ATP6V1G1: variants seen among roughly 807,000 people sequenced by gnomAD.
ATP6V1G1 encodes the protein V-type proton ATPase subunit G 1.
ATP6V1G1 carries 14 observed loss-of-function variants against 14.2 expected under a neutral mutation model. That is an observed-to-expected ratio of 0.99 (90% CI 0.65 to 1.55). ATP6V1G1 has a LOEUF of 1.55. ATP6V1G1 is among the 40% of genes most tolerant of loss of function. The pLI, the probability that ATP6V1G1 is intolerant of heterozygous loss-of-function variation, is 0.00. For missense variants in ATP6V1G1, 137 were observed against 146.4 expected (o/e 0.94, Z 0.33); for synonymous variants, 65 against 53.3 (o/e 1.22, Z -0.96).
chr9:114,588,094 C>T (rs372632764), intron 1 of ATP6V1G1, 174 bp downstream of exon 1: 16 of 683,606 alleles, frequency 2.3e-5, no homozygotes, highest in African/African-American at 2.0e-4. Context: ...GCTTGCGGAT[C>T]GCCTGGAAGC....
At chr9:114,591,352 T>G (rs1845180233) in intron 1 of ATP6V1G1, among the ~76,000 whole-genome samples, 2 of 152,242 alleles carry the variant, frequency 1.3e-5, no homozygotes, top group African/African-American at 4.8e-5. Context: ...TGTGAAATCA[T>G]GCGGAGCTAC....
intron 2 of ATP6V1G1, among the ~76,000 whole-genome samples, chr9:114,596,812 A>T (rs1845242987): frequency 6.6e-6 from 1 of 151,948 alleles, no homozygotes. Context: ...CCCACATTTA[A>T]AACCACAGGT....
rs111289079 is a variant in ATP6V1G1, at chr9:114,591,806, C to T, written c.83-746C>T. On this transcript the variant is annotated intron_variant, in intron 1 of 2. Coordinates refer to ENST00000374050, the MANE Select transcript of ATP6V1G1 (RefSeq NM_004888.4). ...AATAGGTTGATGGTCTAGAACCTCT[C>T]TTTTTTTTTTTTTATTGGTGAGCGG... 9.3e-3 allele frequency among the ~76,000 whole-genome samples: 1,335 copies of T among 143,750 alleles called. 20 individuals are homozygous for T. The highest frequency in any genetic ancestry group is 0.031 in the African/African-American group (1,230 of 39,424). The allele number at this position is 143,750 out of a possible 152,430, so 94.3% of individuals were successfully genotyped here. A position where few individuals can be genotyped will look rare whatever the true frequency, so the allele number is the denominator to read the frequency against.
chr9:114,594,571 A>G (rs1490873554), intron 2 of ATP6V1G1, among the ~76,000 whole-genome samples: 2 of 150,540 alleles, frequency 1.3e-5, no homozygotes, highest in African/African-American at 2.5e-5. Flanking sequence ...TTTAGAAGAG[A>G]CGGGGGTTTC....
Position 114,587,818 on chromosome 9 carries a change from G to T in ATP6V1G1, c.-21G>T, listed in dbSNP as rs772962369. Reference sequence around the variant, plus strand: ...CGAGGTGCCTTAGGCCGCTTGCCTTGCTCTCAGAATCGCTGCCGCCATGGC... The same window carrying T: ...CGAGGTGCCTTAGGCCGCTTGCCTTTCTCTCAGAATCGCTGCCGCCATGGC... On this transcript the variant is annotated 5_prime_UTR_variant, in exon 1 of 3. Transcript: ENST00000374050. 1.9e-6 allele frequency: 3 copies of T among 1,573,988 alleles called. No individual in the cohort carries two copies. The highest frequency in any genetic ancestry group is 1.7e-6 in the Non-Finnish European group (2 of 1,159,518).
rs1393441149 is a variant in ATP6V1G1 at position 114,597,084 on chromosome 9, G to A, written c.184-486G>A. ...TGGCTCACTGCAAGCTCCGCCTCCC[G>A]GGTTCACGCCATTCTCCTGCCTCAG... is the stretch of plus-strand genomic sequence containing the variant. On this transcript the variant is annotated intron_variant, in intron 2 of 2. Coordinates refer to ENST00000374050, the MANE Select transcript of ATP6V1G1 (RefSeq NM_004888.4). 9.0e-5 allele frequency among the ~76,000 whole-genome samples: 13 copies of A among 143,720 alleles called. No homozygotes were observed. The South Asian group carries it at 2.7e-3, about 30-fold the overall frequency. 94.3% of individuals were successfully genotyped at this position (143,720 alleles called of 152,430 possible). A position where few individuals can be genotyped will look rare whatever the true frequency, so the allele number is the denominator to read the frequency against.
intron 2 of ATP6V1G1, among the ~76,000 whole-genome samples, chr9:114,595,677 G>C (rs1220425436): frequency 2.6e-5 from 4 of 151,976 alleles, no homozygotes; most frequent in South Asian, 4.2e-4. Flanking sequence ...GAGTGATAAA[G>C]TCAGGCACAG....
At chr9:114,590,071 G>A (rs952969220) in intron 1 of ATP6V1G1, among the ~76,000 whole-genome samples, 11 of 151,748 alleles carry the variant, frequency 7.2e-5, no homozygotes, top group Non-Finnish European at 1.2e-4. Context: ...GGTGGTGTGC[G>A]CGTGTAGTCC....
intron 1 of ATP6V1G1, among the ~76,000 whole-genome samples, chr9:114,590,122 C>A (rs1845167891): frequency 6.7e-6 from 1 of 149,764 alleles, no homozygotes; most frequent in African/African-American, 2.5e-5. Context: ...CGCTTGAACC[C>A]AGGAGGCAGA....
chr9:114,589,881 G>A (rs1020672959), intron 1 of ATP6V1G1, among the ~76,000 whole-genome samples: 1 of 152,106 alleles, frequency 6.6e-6, no homozygotes, highest in African/African-American at 2.4e-5. Flanking sequence ...GTATATGTCA[G>A]GTAGCTGTGA....
At chr9:114,596,986 C>CTTTT (rs71367785) in intron 2 of ATP6V1G1, among the ~76,000 whole-genome samples, 2,095 of 104,528 alleles carry the variant, frequency 0.02, 69 homozygotes, top group East Asian at 0.058. Flanking sequence ...ATAGCAGATT[C>CTTTT]TTTTTTTTTT....
chr9:114,590,505 A>C (rs532653892), intron 1 of ATP6V1G1, among the ~76,000 whole-genome samples: 1 of 151,998 alleles, frequency 6.6e-6, no homozygotes, highest in African/African-American at 2.4e-5. Flanking sequence ...GTGTTTTACT[A>C]TGTCGGCCGG....
At chr9:114,588,917 A>G (rs1845156350) in intron 1 of ATP6V1G1, among the ~76,000 whole-genome samples, 1 of 152,168 alleles carries the variant, frequency 6.6e-6, no homozygotes, top group South Asian at 2.1e-4. Context: ...CAAATTCCTT[A>G]ATGAAGTTGG....
chr9:114,589,031 C>A (rs150994295), intron 1 of ATP6V1G1, among the ~76,000 whole-genome samples: 21 of 152,280 alleles, frequency 1.4e-4, no homozygotes, highest in Non-Finnish European at 2.4e-4. Flanking sequence ...TTTTTGCACA[C>A]GCTGTTTCTT....
At chr9:114,592,124 C>T (rs1845187603) in intron 1 of ATP6V1G1, among the ~76,000 whole-genome samples, 1 of 152,172 alleles carries the variant, frequency 6.6e-6, no homozygotes, top group African/African-American at 2.4e-5. Flanking sequence ...GTTGCTGTCC[C>T]TTGCGAGCTT....
chr9:114,587,791 T>A lies in ATP6V1G1; in HGVS notation c.-48T>A. 1.3e-6 allele frequency: 2 copies of A among 1,548,646 alleles called. No homozygotes were observed. Among genetic ancestry groups the A allele is most frequent in the Non-Finnish European group, 1.7e-6 (2 of 1,143,932 alleles). ...GCTGTGTCAGCTGACCCAAGGGGCCTTCGAGGTGCCTTAGGCCGCTTGCCT... is the reference window on the plus strand; with the variant it reads ...GCTGTGTCAGCTGACCCAAGGGGCCATCGAGGTGCCTTAGGCCGCTTGCCT... On this transcript the variant is annotated 5_prime_UTR_variant, in exon 1 of 3. Coordinates refer to ENST00000374050, the MANE Select transcript of ATP6V1G1 (RefSeq NM_004888.4).
At chr9:114,595,011 C>G (rs1159448126) in intron 2 of ATP6V1G1, among the ~76,000 whole-genome samples, 14 of 150,990 alleles carry the variant, frequency 9.3e-5, no homozygotes, top group East Asian at 2.0e-4. Flanking sequence ...AGGTGCCCAC[C>G]ACCACGCCTG....
Position 114,597,638 on chromosome 9 carries a change from C to CCGG in ATP6V1G1, c.253_254insGGC (p.Leu84_Gln85insArg). The CCGG allele has an allele frequency of 1.9e-6, 3 of 1,588,644 alleles. No individual in the cohort carries two copies. The highest frequency in any genetic ancestry group is 2.6e-6 in the Non-Finnish European group (3 of 1,169,228). ...AGACCCAGGAGAAGATGACCATCCTCCAGACATACTTCCGGCAGAACAGGG... is the reference window on the plus strand; with the variant it reads ...AGACCCAGGAGAAGATGACCATCCTCCGGCAGACATACTTCCGGCAGAACAGGG... On this transcript the variant is annotated inframe_insertion, in exon 3 of 3. Transcript: ENST00000374050.
Position 114,597,932 on chromosome 9 carries a change from A to G in ATP6V1G1, c.*189A>G, listed in dbSNP as rs1188328085. 9.1e-6 allele frequency: 4 copies of G among 441,426 alleles called. No individual in the cohort carries two copies. Among genetic ancestry groups the G allele is most frequent in the Non-Finnish European group, 1.5e-5 (4 of 274,688 alleles). The allele number at this position is 441,426 out of a possible 1,614,324, so 27.3% of individuals were successfully genotyped here. A position where few individuals can be genotyped will look rare whatever the true frequency, so the allele number is the denominator to read the frequency against. ...GTACAGACTTAGAAATTATCTAAAG[A>G]TTTCATCTTTTTACCTCATATTTCT... On this transcript the variant is annotated 3_prime_UTR_variant, in exon 3 of 3. Transcript: ENST00000374050.
Sources: allele counts gnomAD v4.1 joint callset (sites outside exome capture counted in the v4.1 genomes callset), GRCh38; gene constraint gnomAD v4.1.1; transcripts MANE v1.5; gene names NCBI Gene and HGNC (gene_info 2026-07-23, HGNC 2026-07-21).